UST: variants seen among roughly 807,000 people sequenced by gnomAD.
The protein encoded by UST is chondroitin sulfate 2-O-sulfotransferase.
A neutral mutation model predicts 45.6 loss-of-function variants in UST; 21 were observed. The ratio of observed to expected loss-of-function variants is 0.46; its 90% CI spans 0.33 to 0.66. The LOEUF is 0.66. Ranked by LOEUF, UST falls within the 30% of genes least tolerant of loss-of-function variation. The pLI is 0.02. For missense variants in UST, 463 were observed against 512.4 expected (o/e 0.90, Z 0.93); for synonymous variants, 215 against 200.6 (o/e 1.07, Z -0.61).
intron 1 of UST, among the ~76,000 whole-genome samples, chr6:148,845,140 G>A (rs1486711417): frequency 1.3e-5 from 2 of 152,074 alleles, no homozygotes; most frequent in Admixed American, 6.6e-5. Context: ...TATTCCTTCG[G>A]GTATGTACCC....
At chr6:149,044,705 C>T (rs757789346) in intron 7 of UST, among the ~76,000 whole-genome samples, 11 of 152,146 alleles carry the variant, frequency 7.2e-5, no homozygotes, top group Non-Finnish European at 1.2e-4. Context: ...CCACCAGAGA[C>T]AAGAATGCTG....
chr6:148,999,157 A>G (rs1320622006), intron 5 of UST, among the ~76,000 whole-genome samples: 2 of 152,352 alleles, frequency 1.3e-5, no homozygotes, highest in African/African-American at 4.8e-5. Flanking sequence ...ACACTTAAGT[A>G]CTTTTTGTTC....
At chr6:148,890,967 G>A (rs537644672) in intron 2 of UST, among the ~76,000 whole-genome samples, 25 of 152,214 alleles carry the variant, frequency 1.6e-4, no homozygotes, top group African/African-American at 5.5e-4. Context: ...GAAATTGCAC[G>A]CATATGTTTG....
chr6:149,006,004 C>T (rs1775677479), intron 5 of UST, among the ~76,000 whole-genome samples: 1 of 152,204 alleles, frequency 6.6e-6, no homozygotes, highest in African/African-American at 2.4e-5. Context: ...GTCCTTGTAA[C>T]TAACTGAAAA....
chr6:148,980,672 C>G (rs1473492065), intron 5 of UST, among the ~76,000 whole-genome samples: 4 of 152,152 alleles, frequency 2.6e-5, no homozygotes, highest in Non-Finnish European at 4.4e-5. Flanking sequence ...ATCCTCATCT[C>G]TATTCTTGTC....
intron 5 of UST, among the ~76,000 whole-genome samples, chr6:148,969,295 G>C (rs910727739): frequency 3.9e-5 from 6 of 152,306 alleles, no homozygotes; most frequent in Non-Finnish European, 8.8e-5. Context: ...TGCTTTTTAA[G>C]TGTTTCAGTA....
chr6:149,060,839 C>T (rs1776643427), intron 7 of UST, among the ~76,000 whole-genome samples: 1 of 152,212 alleles, frequency 6.6e-6, no homozygotes, highest in Non-Finnish European at 1.5e-5. Flanking sequence ...GATCACCACT[C>T]AGCTCCCCTG....
At chr6:148,946,844 G>A (rs1480261251) in intron 3 of UST, among the ~76,000 whole-genome samples, 3 of 130,840 alleles carry the variant, frequency 2.3e-5, no homozygotes, top group Admixed American at 8.0e-5. Context: ...AAAAAAAAAG[G>A]TGCACTCATT....
intron 3 of UST, among the ~76,000 whole-genome samples, chr6:148,946,680 G>C (rs1268071745): frequency 1.3e-5 from 2 of 150,570 alleles, no homozygotes; most frequent in Non-Finnish European, 3.0e-5. Flanking sequence ...CGGGCGTGGT[G>C]GCGGGTGCCT....
chr6:149,003,139 C>A (rs1157786319), intron 5 of UST, among the ~76,000 whole-genome samples: 1 of 152,114 alleles, frequency 6.6e-6, no homozygotes, highest in East Asian at 1.9e-4. Flanking sequence ...TTGCAGTAGA[C>A]CATATCGTGG....
chr6:148,942,384 C>T (rs747500872), intron 3 of UST, among the ~76,000 whole-genome samples: 1 of 151,940 alleles, frequency 6.6e-6, no homozygotes, highest in Non-Finnish European at 1.5e-5. Context: ...GGTGAAACTG[C>T]GTCTCTACTA....
At chr6:148,766,433 C>T (rs942431796) in intron 1 of UST, among the ~76,000 whole-genome samples, 1 of 152,082 alleles carries the variant, frequency 6.6e-6, no homozygotes, top group Non-Finnish European at 1.5e-5. Flanking sequence ...CAGTCTTCCT[C>T]TGTTTTCTTT....
chr6:148,959,709 C>T (rs1210052175), intron 4 of UST, among the ~76,000 whole-genome samples: 2 of 152,142 alleles, frequency 1.3e-5, no homozygotes, highest in Admixed American at 6.5e-5. Context: ...TGAGTGGGAG[C>T]CCTGACCCAA....
At chr6:149,025,935 T>G (rs552919409) in intron 7 of UST, among the ~76,000 whole-genome samples, 13 of 151,680 alleles carry the variant, frequency 8.6e-5, no homozygotes, top group African/African-American at 3.1e-4. Context: ...GATCACGAGG[T>G]CAGGAGTTCA....
intron 1 of UST, among the ~76,000 whole-genome samples, chr6:148,833,013 T>A (rs1287907234): frequency 6.6e-6 from 1 of 152,088 alleles, no homozygotes; most frequent in African/African-American, 2.4e-5. Flanking sequence ...GTATAGGAGC[T>A]CCCTTATCCA....
At chr6:149,042,983 CTTT>C (rs1776339146) in intron 7 of UST, among the ~76,000 whole-genome samples, 3 of 115,634 alleles carry the variant, frequency 2.6e-5, no homozygotes, top group African/African-American at 1.2e-4. Context: ...TTCTTTCTTT[CTTT>C]CTTTCTTTCT....
chr6:148,915,434 A>G (rs9390630), intron 2 of UST, among the ~76,000 whole-genome samples: 61,387 of 151,888 alleles, frequency 0.4, 12,874 homozygotes, highest in South Asian at 0.58. Context: ...AAATGGAGAT[A>G]AGAGGGTAGG....
At chr6:148,794,926 T>C (rs1776919717) in intron 1 of UST, among the ~76,000 whole-genome samples, 1 of 152,200 alleles carries the variant, frequency 6.6e-6, no homozygotes, top group Non-Finnish European at 1.5e-5. Context: ...AGAACACAGG[T>C]CCACAGCCTC....
intron 1 of UST, among the ~76,000 whole-genome samples, chr6:148,846,881 G>T (rs958230459): frequency 2.6e-5 from 4 of 152,266 alleles, no homozygotes; most frequent in Non-Finnish European, 5.9e-5. Context: ...GTTGCCTTCA[G>T]AGGGTAGCAG....
Sources: gnomAD v4.1 joint callset for allele counts (sites outside exome capture counted in the v4.1 genomes callset) on GRCh38, gnomAD v4.1.1 for gene constraint, MANE v1.5 for transcripts, NCBI Gene and HGNC (gene_info 2026-07-23, HGNC 2026-07-21) for gene names.